STXBP5L: variants seen among roughly 807,000 people sequenced by gnomAD.
STXBP5L encodes syntaxin binding protein 5L.
A neutral mutation model predicts 144.5 loss-of-function variants in STXBP5L; 65 were observed. The observed-to-expected ratio is 0.45, with a 90% CI of 0.37 to 0.55. The LOEUF (loss-of-function observed/expected upper bound fraction) is 0.55. STXBP5L is among the 20% of genes least tolerant of loss of function. The pLI is 0.00. For missense variants in STXBP5L, 1,298 were observed against 1,405.5 expected (o/e 0.92, Z 1.22); for synonymous variants, 505 against 469.6 (o/e 1.08, Z -0.97).
intron 3 of STXBP5L, among the ~76,000 whole-genome samples, chr3:121,018,477 T>C (rs1007406082): frequency 5.1e-5 from 7 of 138,072 alleles, no homozygotes; most frequent in African/African-American, 8.3e-5. Context: ...GGGGAAAGTA[T>C]AGTCTTTGAA....
At chr3:121,027,909 C>T (rs1310662400) in intron 3 of STXBP5L, among the ~76,000 whole-genome samples, 10 of 152,040 alleles carry the variant, frequency 6.6e-5, no homozygotes, top group African/African-American at 2.4e-4. Flanking sequence ...ATATCCTCAG[C>T]TCTCAGCTAT....
chr3:121,356,857 A>G (rs1468871704), intron 20 of STXBP5L: 2 of 152,666 alleles, frequency 1.3e-5, no homozygotes, highest in Non-Finnish European at 2.9e-5. Flanking sequence ...TGAAAAGAAG[A>G]TATAACCTAC....
chr3:121,132,536 T>A (rs931488754), intron 7 of STXBP5L, among the ~76,000 whole-genome samples: 5 of 152,176 alleles, frequency 3.3e-5, no homozygotes, highest in Non-Finnish European at 7.3e-5. Flanking sequence ...TACTTCTCTA[T>A]GAGAACATTT....
chr3:121,418,283 G>T, intron 25 of STXBP5L, 54 bp from the exon 26 acceptor site: 1 of 1,539,780 alleles, frequency 6.5e-7, no homozygotes, highest in South Asian at 1.2e-5. Context: ...TGACAAGCTT[G>T]ACTGTTTGAA....
chr3:121,279,726 T>C (rs1243845271), intron 18 of STXBP5L, 79 bp from the exon 19 acceptor site: 2 of 1,545,574 alleles, frequency 1.3e-6, no homozygotes, highest in African/African-American at 2.8e-5. Context: ...TACTTTTCAA[T>C]AATCCTATGA....
intron 20 of STXBP5L, among the ~76,000 whole-genome samples, chr3:121,370,343 G>A (rs77570857): frequency 0.12 from 18,194 of 152,126 alleles, 1,149 homozygotes; most frequent in Non-Finnish European, 0.14. Context: ...ACTCCACCCC[G>A]GGCAACAGAG....
intron 7 of STXBP5L, among the ~76,000 whole-genome samples, chr3:121,135,977 G>C (rs973534624): frequency 3.9e-5 from 6 of 152,074 alleles, no homozygotes; most frequent in Non-Finnish European, 8.8e-5. Flanking sequence ...CCATGGCCAT[G>C]GTGGAATGAA....
chr3:121,247,494 G>A (rs1219910906), intron 14 of STXBP5L, among the ~76,000 whole-genome samples: 1 of 152,100 alleles, frequency 6.6e-6, no homozygotes, highest in African/African-American at 2.4e-5. Context: ...CTAGTAGACT[G>A]CAGTGTCTAT....
chr3:121,269,551 A>G (rs1483048537), intron 18 of STXBP5L, among the ~76,000 whole-genome samples: 2 of 152,160 alleles, frequency 1.3e-5, no homozygotes, highest in Non-Finnish European at 2.9e-5. Context: ...CTCTGAGCCC[A>G]CAGGGGAACA....
At chr3:121,312,671 C>T (rs1461118723) in intron 19 of STXBP5L, among the ~76,000 whole-genome samples, 1 of 150,864 alleles carries the variant, frequency 6.6e-6, no homozygotes. Flanking sequence ...TCTTAACGAG[C>T]ATGCTGCCTT....
chr3:121,393,803 G>A (rs769844456), intron 22 of STXBP5L, among the ~76,000 whole-genome samples: 13 of 151,872 alleles, frequency 8.6e-5, no homozygotes, highest in Non-Finnish European at 1.8e-4. Flanking sequence ...ATGTTTATAC[G>A]AGTACTCTGC....
intron 19 of STXBP5L, among the ~76,000 whole-genome samples, chr3:121,288,690 T>A: frequency 6.7e-6 from 1 of 149,212 alleles, no homozygotes; most frequent in African/African-American, 2.5e-5. Context: ...AATAAAATCA[T>A]TTTTTTTGTT....
intron 2 of STXBP5L, among the ~76,000 whole-genome samples, chr3:120,942,355 A>G (rs1489419684): frequency 1.3e-5 from 2 of 151,642 alleles, no homozygotes; most frequent in Non-Finnish European, 3.0e-5. Flanking sequence ...TTTCTGTAGT[A>G]TTCAATAAAC....
intron 5 of STXBP5L, among the ~76,000 whole-genome samples, chr3:121,090,032 C>T (rs2042700375): frequency 6.6e-6 from 1 of 152,036 alleles, no homozygotes; most frequent in Admixed American, 6.6e-5. Context: ...TATTTGTTAG[C>T]AAATTCTAAT....
Position 121,053,918 on chromosome 3 carries a change from A to C in STXBP5L, c.470+8383A>C, listed in dbSNP as rs1035693908. The stretch of plus-strand genomic sequence containing the variant: ...AAAAAAAAACAAACAACCCCATCAA[A>C]AAGTGGGCAAAGGATATGAACAGAC... On this transcript the variant is annotated intron_variant, in intron 5 of 26. Transcript: ENST00000471454. Among the ~76,000 whole-genome samples the C allele has an allele frequency of 9.8e-5, 15 of 152,328 alleles. 1 individual carries two copies. In the South Asian group the frequency reaches 1.0e-3, roughly 11 times the overall value.
At chr3:121,284,342 G>C (rs1028732607) in intron 19 of STXBP5L, among the ~76,000 whole-genome samples, 1 of 151,898 alleles carries the variant, frequency 6.6e-6, no homozygotes, top group African/African-American at 2.4e-5. Flanking sequence ...CCTGCTAAAA[G>C]TTTACTTTCT....
At chr3:121,087,433 C>G (rs537603499) in intron 5 of STXBP5L, among the ~76,000 whole-genome samples, 1 of 151,946 alleles carries the variant, frequency 6.6e-6, no homozygotes, top group Non-Finnish European at 1.5e-5. Context: ...TTTGGTGTCC[C>G]TCTCTATCTC....
chr3:121,303,092 G>T (rs1407698198), intron 19 of STXBP5L, among the ~76,000 whole-genome samples: 1 of 152,052 alleles, frequency 6.6e-6, no homozygotes, highest in Non-Finnish European at 1.5e-5. Flanking sequence ...GAGTGAACAG[G>T]CAACCTACAA....
At chr3:120,916,857 T>C (rs887565991) in intron 2 of STXBP5L, among the ~76,000 whole-genome samples, 1 of 152,204 alleles carries the variant, frequency 6.6e-6, no homozygotes, top group Non-Finnish European at 1.5e-5. Context: ...CTAGCTGGAT[T>C]GGTTAATGTT....
Sources: allele counts gnomAD v4.1 joint callset (sites outside exome capture counted in the v4.1 genomes callset), GRCh38; gene constraint gnomAD v4.1.1; transcripts MANE v1.5; gene names NCBI Gene and HGNC (gene_info 2026-07-23, HGNC 2026-07-21).